Variants in PPP1R9A observed in about 807,000 individuals in gnomAD.
The protein encoded by PPP1R9A is protein phosphatase 1 regulatory subunit 9A, also known as neurabin-1.
PPP1R9A carries 59 observed loss-of-function variants against 141.9 expected under a neutral mutation model. The observed-to-expected ratio is 0.42, with a 90% CI of 0.34 to 0.52. The LOEUF is 0.52. PPP1R9A is among the 20% of genes least tolerant of loss of function. The pLI is 0.10. For synonymous variants in PPP1R9A, 500 were observed against 569.7 expected (o/e 0.88, Z 1.74); for missense variants, 1,444 against 1,611.9 (o/e 0.90, Z 1.78).
chr7:95,288,743 G>A (rs1805813337), intron 19 of PPP1R9A, 25 bp downstream of exon 19: 1 of 1,606,150 alleles, frequency 6.2e-7, no homozygotes, highest in African/African-American at 1.3e-5. Flanking sequence ...GTCTGTCTTA[G>A]GTTACCAGGT....
At chr7:94,955,543 G>A (rs1184158929) in intron 2 of PPP1R9A, among the ~76,000 whole-genome samples, 1 of 151,998 alleles carries the variant, frequency 6.6e-6, no homozygotes, top group Non-Finnish European at 1.5e-5. Context: ...CTAAAAAAAT[G>A]TCTGAACTTG....
rs551291114 is a variant in PPP1R9A, at chr7:95,082,202, C to T, written c.1396-29057C>T. Among the ~76,000 whole-genome samples the T allele has an allele frequency of 2.0e-4, 31 of 152,010 alleles. No individual in the cohort carries two copies. In the South Asian group the frequency reaches 2.9e-3, roughly 14 times the overall value. On this transcript the variant is annotated intron_variant, in intron 2 of 19. Transcript: ENST00000433360. ...TCTTACTAGTAGATAGCAGTTAAAACGAAAAATAGGGCTAACCAAAAAACT... is the reference window on the plus strand; with the variant it reads ...TCTTACTAGTAGATAGCAGTTAAAATGAAAAATAGGGCTAACCAAAAAACT...
chr7:95,120,866 C>T, intron 4 of PPP1R9A, 34 bp downstream of exon 4: 1 of 1,575,546 alleles, frequency 6.3e-7, no homozygotes, highest in Non-Finnish European at 8.6e-7. Context: ...AACTTAAAAT[C>T]TTTAGAGAAC....
In PPP1R9A at chr7:95,284,086, C is replaced by G. The variant is rs1804807472; in HGVS notation, c.3365C>G (p.Ser1122Cys). ...TCAACAGCTCAGACCTCCACTCGTT[C>G]CCCTTGCATGCCTTTCTCATGGTTT... ...PCSTAQTSTRSPCMPFSWFND... is the reference protein window; with the variant it reads ...PCSTAQTSTRCPCMPFSWFND... The change falls in exon 17 of 20, where the codon TCC becomes TGC. Residue 1122 changes from serine (S) to cysteine (C), a missense_variant. By Grantham distance (112) the Ser-to-Cys change is moderately radical. Transcript: ENST00000433360. 2 of 1,596,766 alleles carry G rather than the reference C, an allele frequency of 1.3e-6. No homozygotes were observed. The highest frequency in any genetic ancestry group is 1.7e-6 in the Non-Finnish European group (2 of 1,177,316).
In PPP1R9A at chr7:94,986,096, G is replaced by A. The variant is rs140468722; in HGVS notation, c.1395+74588G>A. ...TGGTTGGGGAAAGTTTGTAGCACTGGTTTTGGTGAATAATATGTTAGGTAG... is the reference window on the plus strand; with the variant it reads ...TGGTTGGGGAAAGTTTGTAGCACTGATTTTGGTGAATAATATGTTAGGTAG... On this transcript the variant is annotated intron_variant, in intron 2 of 19. Coordinates refer to ENST00000433360, the MANE Select transcript of PPP1R9A (RefSeq NM_001166160.2). Among the ~76,000 whole-genome samples, 779 of 152,200 alleles carry A rather than the reference G, an allele frequency of 5.1e-3. 2 individuals are homozygous for A. Among genetic ancestry groups the A allele is most frequent in the African/African-American group, 0.018 (745 of 41,542 alleles).
chr7:95,006,678 A>G (rs1196350402), intron 2 of PPP1R9A, among the ~76,000 whole-genome samples: 2 of 152,128 alleles, frequency 1.3e-5, no homozygotes, highest in Admixed American at 6.5e-5. Context: ...CTACTGAGAA[A>G]AAATAAAATT....
At chr7:94,967,963 C>G (rs1263991651) in intron 2 of PPP1R9A, among the ~76,000 whole-genome samples, 1 of 152,066 alleles carries the variant, frequency 6.6e-6, no homozygotes, top group East Asian at 1.9e-4. Context: ...CCTGAATATC[C>G]TTGTTAATTT....
At chr7:95,256,562 A>G (rs1389433746) in intron 12 of PPP1R9A, among the ~76,000 whole-genome samples, 1 of 152,148 alleles carries the variant, frequency 6.6e-6, no homozygotes, top group Non-Finnish European at 1.5e-5. Flanking sequence ...TAAAATTAAG[A>G]ATGCTTTTAA....
At chr7:95,072,396 G>A (rs1813964267) in intron 2 of PPP1R9A, among the ~76,000 whole-genome samples, 1 of 143,400 alleles carries the variant, frequency 7.0e-6, no homozygotes, top group Non-Finnish European at 1.5e-5. Flanking sequence ...GGGAAAAAGA[G>A]GAGACAGGGA....
intron 2 of PPP1R9A, among the ~76,000 whole-genome samples, chr7:94,967,944 A>C (rs971020289): frequency 6.6e-6 from 1 of 152,188 alleles, no homozygotes; most frequent in Non-Finnish European, 1.5e-5. Context: ...TCCAGAGCTG[A>C]GTTCAAGTCC....
At chr7:95,218,279 T>C (rs961036815) in intron 7 of PPP1R9A, among the ~76,000 whole-genome samples, 52 of 152,194 alleles carry the variant, frequency 3.4e-4, no homozygotes, top group African/African-American at 1.1e-3. Context: ...TGAGCGATTT[T>C]GAGTGAGTTT....
chr7:95,147,939 A>G (rs1827941411), intron 4 of PPP1R9A, among the ~76,000 whole-genome samples: 1 of 152,144 alleles, frequency 6.6e-6, no homozygotes, highest in Admixed American at 6.5e-5. Context: ...TTCATCAGGG[A>G]TATTGGCCTG....
At chr7:95,209,732 A>G (rs961628830) in intron 7 of PPP1R9A, among the ~76,000 whole-genome samples, 2 of 152,146 alleles carry the variant, frequency 1.3e-5, no homozygotes, top group African/African-American at 2.4e-5. Flanking sequence ...TTCTGGTTCT[A>G]TCTGATGATC....
At chr7:95,159,776 A>G (rs939905210) in intron 4 of PPP1R9A, among the ~76,000 whole-genome samples, 1 of 151,768 alleles carries the variant, frequency 6.6e-6, no homozygotes. Flanking sequence ...ACAAAAAAAC[A>G]TTAGCCGGGC....
At chr7:94,998,806 C>G (rs142560137) in intron 2 of PPP1R9A, among the ~76,000 whole-genome samples, 36 of 152,176 alleles carry the variant, frequency 2.4e-4, no homozygotes, top group Admixed American at 4.6e-4. Flanking sequence ...ACTCTGTCAC[C>G]CAGGTTGGGG....
At chr7:95,140,866 G>A (rs1050339623) in intron 4 of PPP1R9A, among the ~76,000 whole-genome samples, 3 of 151,942 alleles carry the variant, frequency 2.0e-5, no homozygotes, top group Admixed American at 2.0e-4. Flanking sequence ...GGTGCACACT[G>A]CCACACCTGG....
chr7:95,081,345 C>T (rs573845007), intron 2 of PPP1R9A, among the ~76,000 whole-genome samples: 5 of 151,964 alleles, frequency 3.3e-5, no homozygotes, highest in African/African-American at 1.2e-4. Context: ...AATTAGTATA[C>T]AAGAATATTA....
At chr7:95,026,268 A>T (rs1312292168) in intron 2 of PPP1R9A, among the ~76,000 whole-genome samples, 1 of 152,138 alleles carries the variant, frequency 6.6e-6, no homozygotes, top group Non-Finnish European at 1.5e-5. Flanking sequence ...CTGTGTGCAC[A>T]TCCTTTTTGT....
chr7:94,942,503 A>G (rs561609613), intron 2 of PPP1R9A, among the ~76,000 whole-genome samples: 3 of 152,254 alleles, frequency 2.0e-5, no homozygotes, highest in East Asian at 3.9e-4. Flanking sequence ...AGTATTGTCT[A>G]TGGCTGCTTT....
Sources: allele counts gnomAD v4.1 joint callset (sites outside exome capture counted in the v4.1 genomes callset), GRCh38; gene constraint gnomAD v4.1.1; transcripts MANE v1.5; gene names NCBI Gene and HGNC (gene_info 2026-07-23, HGNC 2026-07-21).